Variants in SIPA1L3 observed in about 807,000 individuals in gnomAD.
SIPA1L3 encodes the protein signal induced proliferation associated 1 like 3, also known as signal-induced proliferation-associated 1-like protein 3.
In SIPA1L3, 59 loss-of-function variants were observed where a neutral mutation model predicts 150.1. The ratio of observed to expected loss-of-function variants is 0.39; its 90% CI spans 0.32 to 0.49. The LOEUF (loss-of-function observed/expected upper bound fraction) is 0.49, where lower values mean the gene tolerates loss of function less well. SIPA1L3 is among the 20% of genes least tolerant of loss of function. The pLI is 0.86. For missense variants in SIPA1L3, 2,211 were observed against 2,489.5 expected (o/e 0.89, Z 2.38); for synonymous variants, 1,070 against 1,077.6 (o/e 0.99, Z 0.14).
chr19:38,202,542 C>T (rs988538575), intron 20 of SIPA1L3, among the ~76,000 whole-genome samples: 6 of 151,980 alleles, frequency 3.9e-5, no homozygotes, highest in Non-Finnish European at 5.9e-5. Flanking sequence ...GAGCCAAGAT[C>T]GAGCCACTGC....
intron 1 of SIPA1L3, among the ~76,000 whole-genome samples, chr19:37,924,757 A>T (rs189221715): frequency 2.0e-5 from 3 of 151,900 alleles, no homozygotes; most frequent in Non-Finnish European, 4.4e-5. Flanking sequence ...AGTGTTATGT[A>T]CTGTACATGG....
chr19:38,191,761 A>G (rs1042076181), intron 16 of SIPA1L3, among the ~76,000 whole-genome samples: 1 of 151,842 alleles, frequency 6.6e-6, no homozygotes, highest in Non-Finnish European at 1.5e-5. Flanking sequence ...CAGTGAGCCG[A>G]TATCACACCA....
intron 10 of SIPA1L3, among the ~76,000 whole-genome samples, chr19:38,139,830 G>A (rs1384749394): frequency 6.6e-6 from 1 of 152,154 alleles, no homozygotes; most frequent in Non-Finnish European, 1.5e-5. Flanking sequence ...TCCATGATGG[G>A]GCCTTGAATG....
intron 1 of SIPA1L3, among the ~76,000 whole-genome samples, chr19:38,017,199 G>A (rs893293557): frequency 5.3e-5 from 8 of 151,976 alleles, no homozygotes; most frequent in Admixed American, 2.0e-4. Context: ...GCCCAACTTC[G>A]TGTCTTTATT....
intron 2 of SIPA1L3, among the ~76,000 whole-genome samples, chr19:38,049,314 G>A (rs1969133126): frequency 6.6e-6 from 1 of 152,276 alleles, no homozygotes; most frequent in South Asian, 2.1e-4. Flanking sequence ...TGAGGTTTGA[G>A]TAAAGAGTCA....
At chr19:37,984,870 T>C (rs1315371944) in intron 1 of SIPA1L3, among the ~76,000 whole-genome samples, 5 of 152,196 alleles carry the variant, frequency 3.3e-5, no homozygotes. Flanking sequence ...AAGAGAATAG[T>C]CATTTCATGA....
At chr19:37,993,533 G>A (rs833906) in intron 1 of SIPA1L3, among the ~76,000 whole-genome samples, 113,298 of 152,040 alleles carry the variant, frequency 0.75, 42,486 homozygotes, top group East Asian at 0.97. Context: ...GCGTTTCACT[G>A]TGTTGGCCAG....
chr19:37,967,211 T>G (rs1481600502), intron 1 of SIPA1L3, among the ~76,000 whole-genome samples: 2 of 151,824 alleles, frequency 1.3e-5, no homozygotes, highest in Non-Finnish European at 2.9e-5. Flanking sequence ...CTCATCTTCA[T>G]GTGGCATTCT....
chr19:38,128,651 C>T lies in SIPA1L3; in HGVS notation c.2869-1847C>T, dbSNP rs186189808. ...GTGGCTCACGCCTGTAATCCCAGCACTTTGGGAGGCCGAGACAGGTGAATC... is the reference window on the plus strand; with the variant it reads ...GTGGCTCACGCCTGTAATCCCAGCATTTTGGGAGGCCGAGACAGGTGAATC... On this transcript the variant is annotated intron_variant, in intron 9 of 21. Transcript: ENST00000222345. Among the ~76,000 whole-genome samples the T allele has an allele frequency of 2.6e-3, 395 of 152,276 alleles. 1 individual carries two copies. The highest frequency in any genetic ancestry group is 9.2e-3 in the African/African-American group (382 of 41,546).
rs141105353 is a variant in SIPA1L3 at position 38,082,697 on chromosome 19, G to A, written c.1132G>A (p.Ala378Thr). The A allele has an allele frequency of 1.2e-4, 187 of 1,609,824 alleles. No individual in the cohort carries two copies. The highest frequency in any genetic ancestry group is 1.6e-4 in the Middle Eastern group (1 of 6,080). The change falls in exon 3 of 22, where the codon GCC becomes ACC. Residue 378 changes from alanine to threonine, a missense_variant. Ala to Thr is a moderately conservative substitution (Grantham distance 58, BLOSUM62 0). This residue lies in a region of SIPA1L3 where 587 missense variants were observed against 534.5 expected (regional missense o/e 1.10). Transcript: ENST00000222345. The part of the protein sequence containing the change: ...TTTGASAASA[A>T]SAMASLTASR... Reference sequence around the variant, plus strand: ...CACGGGTGCTTCGGCCGCTTCCGCCGCCTCGGCCATGGCCTCCCTCACGGC... The same window carrying A: ...CACGGGTGCTTCGGCCGCTTCCGCCACCTCGGCCATGGCCTCCCTCACGGC...
At chr19:38,044,511 A>C (rs1325681014) in intron 2 of SIPA1L3, among the ~76,000 whole-genome samples, 2 of 152,034 alleles carry the variant, frequency 1.3e-5, no homozygotes, top group African/African-American at 2.4e-5. Context: ...GAGGTTGATG[A>C]GGGCCCGAGG....
intron 6 of SIPA1L3, among the ~76,000 whole-genome samples, chr19:38,104,863 G>A (rs181475000): frequency 1.3e-3 from 197 of 151,746 alleles, no homozygotes; most frequent in African/African-American, 3.6e-3. Flanking sequence ...GAGCCACCGC[G>A]CCTGGCCAGG....
intron 2 of SIPA1L3, among the ~76,000 whole-genome samples, chr19:38,077,673 T>TTC (rs1969875464): frequency 8.7e-6 from 1 of 114,830 alleles, no homozygotes; most frequent in South Asian, 3.2e-4. Context: ...TTTTTTTTTT[T>TTC]TTTTTTTTTT....
chr19:38,123,437 G>A (rs2145903758), intron 9 of SIPA1L3, among the ~76,000 whole-genome samples: 2 of 148,608 alleles, frequency 1.3e-5, no homozygotes, highest in South Asian at 4.4e-4. Context: ...TGTGTCCCTG[G>A]GTACTTGAGA....
At chr19:37,953,352 A>G (rs2046781461) in intron 1 of SIPA1L3, among the ~76,000 whole-genome samples, 1 of 152,130 alleles carries the variant, frequency 6.6e-6, no homozygotes, top group South Asian at 2.1e-4. Flanking sequence ...TGTGCACTTT[A>G]TTAGGATAAT....
At chr19:38,032,811 C>T (rs1968682748) in intron 2 of SIPA1L3, among the ~76,000 whole-genome samples, 2 of 151,642 alleles carry the variant, frequency 1.3e-5, no homozygotes, top group Non-Finnish European at 2.9e-5. Flanking sequence ...TGAGGTTGCG[C>T]CACTGCACTC....
rs118139373 is a variant in SIPA1L3 at position 38,057,658 on chromosome 19, T to C, written c.-310-23598T>C. On this transcript the variant is annotated intron_variant, in intron 2 of 21. Transcript: ENST00000222345. The stretch of plus-strand genomic sequence containing the variant: ...TCAGAGGGTGAGAACTTTTTTTTTT[T>C]TCTTTTGAGACAGAGTCTCGCTCTG... 8.9e-3 allele frequency among the ~76,000 whole-genome samples: 1,359 copies of C among 151,892 alleles called. 30 individuals are homozygous for C. The highest frequency in any genetic ancestry group is 0.043 in the Admixed American group (657 of 15,246).
chr19:38,055,160 A>G (rs1476985301), intron 2 of SIPA1L3, among the ~76,000 whole-genome samples: 8 of 152,308 alleles, frequency 5.3e-5, no homozygotes, highest in Middle Eastern at 3.4e-3. Context: ...TAAGACCTCC[A>G]TCAGTCAAGA....
intron 1 of SIPA1L3, among the ~76,000 whole-genome samples, chr19:37,927,230 G>C (rs532972026): frequency 8.7e-4 from 127 of 145,296 alleles, no homozygotes; most frequent in Admixed American, 2.6e-3. Context: ...TGCAACCTCC[G>C]CCTCCCGGGT....
Sources: allele counts gnomAD v4.1 joint callset (sites outside exome capture counted in the v4.1 genomes callset), GRCh38; gene constraint gnomAD v4.1.1; regional missense constraint gnomAD v4.1.1; transcripts MANE v1.5; gene names NCBI Gene and HGNC (gene_info 2026-07-23, HGNC 2026-07-21).